Variants in JAM2 observed in about 807,000 individuals in gnomAD.
JAM2 encodes junctional adhesion molecule B.
In JAM2, 17 loss-of-function variants were observed where a neutral mutation model predicts 42.0. The observed-to-expected ratio is 0.40, with a 90% confidence interval of 0.28 to 0.61. The LOEUF (loss-of-function observed/expected upper bound fraction) is 0.61, where lower values mean the gene tolerates loss of function less well. Among genes scored for constraint, JAM2 ranks in the 20% least tolerant of loss-of-function variants. JAM2 has a pLI of 0.37. For synonymous variants in JAM2, 118 were observed against 128.6 expected (o/e 0.92, Z 0.56); for missense variants, 319 against 358.3 (o/e 0.89, Z 0.89).
chr21:25,644,103 G>A (rs967488512), intron 1 of JAM2: 1 of 152,218 alleles, frequency 6.6e-6, no homozygotes, highest in Non-Finnish European at 1.5e-5. Flanking sequence ...GGTGAAGATG[G>A]AAAAGGGGAA....
At chr21:25,645,773 T>C (rs752213869) in intron 1 of JAM2, among the ~76,000 whole-genome samples, 17 of 152,212 alleles carry the variant, frequency 1.1e-4, no homozygotes, top group Non-Finnish European at 2.1e-4. Flanking sequence ...CAAGGCTATA[T>C]GGTGTAGCCT....
At chr21:25,707,481 C>CA (rs1193857062) in intron 7 of JAM2, among the ~76,000 whole-genome samples, 5 of 151,562 alleles carry the variant, frequency 3.3e-5, no homozygotes, top group African/African-American at 9.7e-5. Context: ...GACTCCATCT[C>CA]AAAAAAACAA....
At chr21:25,702,351 G>A in intron 6 of JAM2, 82 bp downstream of exon 6, 2 of 737,882 alleles carry the variant, frequency 2.7e-6, no homozygotes, top group South Asian at 2.2e-5. Flanking sequence ...GGAGCAAGGA[G>A]CAGGAAATGT....
At position 25,677,230 on chromosome 21, in the gene JAM2, A is replaced by G. The variant is rs77100982; in HGVS notation, c.68-6653A>G. Among the ~76,000 whole-genome samples, 1,194 of 152,278 alleles carry G rather than the reference A, an allele frequency of 7.8e-3. 15 individuals carry two copies. The highest frequency in any genetic ancestry group is 0.027 in the African/African-American group (1,108 of 41,576). On this transcript the variant is annotated intron_variant, in intron 1 of 9. Coordinates refer to ENST00000480456, the MANE Select transcript of JAM2 (RefSeq NM_021219.4). ...AAAAAAAGGAAATAAATATTCAGCT[A>G]CTAAGAAATACTACCGATAATTAAT...
At chr21:25,680,786 GGATGGATGACGATC>G (rs1003879702) in intron 1 of JAM2, among the ~76,000 whole-genome samples, 2 of 152,004 alleles carry the variant, frequency 1.3e-5, no homozygotes, top group African/African-American at 4.8e-5. Flanking sequence ...ATGGATGGAT[GGATGGATGACGATC>G]GATGGATGGA....
chr21:25,700,683 G>A (rs1023981193), intron 5 of JAM2, among the ~76,000 whole-genome samples: 1 of 152,144 alleles, frequency 6.6e-6, no homozygotes, highest in Non-Finnish European at 1.5e-5. Context: ...TTTGAAAGGA[G>A]GATATAATGC....
chr21:25,709,114 G>C (rs1449402595), intron 7 of JAM2, among the ~76,000 whole-genome samples: 2 of 151,446 alleles, frequency 1.3e-5, no homozygotes, highest in Non-Finnish European at 2.9e-5. Flanking sequence ...CTAACTAGTA[G>C]GCCTGTTTTT....
chr21:25,698,757 G>C lies in JAM2; in HGVS notation c.475G>C (p.Glu159Gln), dbSNP rs767188712. ...GGTAGAGCTACGATGTCAAGACAAA[G>C]AAGGGAATCCAGCTCCTGAATACAC... is the stretch of plus-strand genomic sequence containing the variant. ...TVVELRCQDK[E>Q]GNPAPEYTWF... The change falls in exon 5 of 10, where the codon GAA (glutamate) becomes CAA (glutamine). Residue 159 changes from glutamate (E) to glutamine (Q), a missense_variant. Physicochemically the swap from Glu to Gln is conservative, Grantham distance 29 (BLOSUM62 2). Transcript: ENST00000480456. 50 of 1,614,036 alleles carry C rather than the reference G, an allele frequency of 3.1e-5. No individual in the cohort carries two copies. Among genetic ancestry groups the C allele is most frequent in the Non-Finnish European group, 4.0e-5 (47 of 1,180,030 alleles).
intron 1 of JAM2, among the ~76,000 whole-genome samples, chr21:25,645,143 A>C (rs977400010): frequency 9.9e-5 from 15 of 152,168 alleles, no homozygotes; most frequent in Non-Finnish European, 2.2e-4. Context: ...GGCTTCCCAA[A>C]GTGCTGGGAT....
chr21:25,690,454 A>G (rs778510319), intron 3 of JAM2, among the ~76,000 whole-genome samples: 3 of 152,094 alleles, frequency 2.0e-5, no homozygotes, highest in Non-Finnish European at 2.9e-5. Context: ...TCAGTCCCCA[A>G]GTAGGTGGGA....
chr21:25,687,741 T>C (rs959741518), intron 2 of JAM2, among the ~76,000 whole-genome samples: 1 of 152,170 alleles, frequency 6.6e-6, no homozygotes, highest in Non-Finnish European at 1.5e-5. Context: ...CTTGGGATCT[T>C]CTTTCTCAAA....
chr21:25,639,924 G>T, intron 1 of JAM2, 36 bp downstream of exon 1: 1 of 1,465,252 alleles, frequency 6.8e-7, no homozygotes, highest in South Asian at 1.2e-5. Flanking sequence ...TTCCTGCCTG[G>T]ACCAGCCTGC....
At chr21:25,687,184 T>G (rs2033769604) in intron 2 of JAM2, among the ~76,000 whole-genome samples, 1 of 152,134 alleles carries the variant, frequency 6.6e-6, no homozygotes, top group African/African-American at 2.4e-5. Context: ...TCTTCAAGGG[T>G]GAAAACAATA....
intron 1 of JAM2, among the ~76,000 whole-genome samples, chr21:25,662,199 G>A (rs1457879194): frequency 1.3e-5 from 2 of 152,058 alleles, no homozygotes; most frequent in African/African-American, 2.4e-5. Context: ...CCCAGCTGGA[G>A]TGCAGTGATA....
At chr21:25,693,950 C>T (rs1195089399) in intron 4 of JAM2, 42 bp downstream of exon 4, 2 of 1,593,838 alleles carry the variant, frequency 1.3e-6, no homozygotes, top group Non-Finnish European at 1.7e-6. Flanking sequence ...CCCACTCCTT[C>T]TCCACCACCC....
At position 25,717,078 on chromosome 21, in the gene JAM2, A is replaced by G. The variant is rs1466987705; in HGVS notation, c.*2406A>G. On this transcript the variant is annotated 3_prime_UTR_variant, in exon 10 of 10. Coordinates refer to ENST00000480456, the MANE Select transcript of JAM2 (RefSeq NM_021219.4). ...TCATTTTATGCAGTGCGAACATCTA[A>G]TAACACTCTCTGTGTCAAATATATA... 6.6e-6 allele frequency: 1 copy of G among 152,282 alleles called. No individual in the cohort carries two copies. Among genetic ancestry groups the G allele is most frequent in the Non-Finnish European group, 1.5e-5 (1 of 68,064 alleles). 9.4% of individuals were successfully genotyped at this position (152,282 alleles called of 1,614,324 possible).
intron 7 of JAM2, among the ~76,000 whole-genome samples, chr21:25,707,889 A>G (rs1258085426): frequency 6.6e-6 from 1 of 152,024 alleles, no homozygotes; most frequent in African/African-American, 2.4e-5. Flanking sequence ...TCTGTCACCC[A>G]TGCCTGGTGC....
intron 1 of JAM2, 25 bp downstream of exon 1, chr21:25,639,913 C>T (rs2032380315): frequency 6.5e-7 from 1 of 1,538,212 alleles, no homozygotes; most frequent in Non-Finnish European, 8.9e-7. Flanking sequence ...TTCCTCTACC[C>T]TTCCTGCCTG....
chr21:25,678,930 G>C (rs1403947471), intron 1 of JAM2, among the ~76,000 whole-genome samples: 3 of 152,210 alleles, frequency 2.0e-5, no homozygotes, highest in Non-Finnish European at 4.4e-5. Flanking sequence ...CTCCCAAGTA[G>C]CTGGGACTAC....
Sources: gnomAD v4.1 joint callset for allele counts (sites outside exome capture counted in the v4.1 genomes callset) on GRCh38, gnomAD v4.1.1 for gene constraint, MANE v1.5 for transcripts, NCBI Gene and HGNC (gene_info 2026-07-23, HGNC 2026-07-21) for gene names.